The following CPEB4 variants were observed in gnomAD, a reference collection of about 807,000 sequenced individuals.
CPEB4 encodes cytoplasmic polyadenylation element-binding protein 4.
CPEB4 carries 12 observed loss-of-function variants against 72.5 expected under a neutral mutation model. That is an observed-to-expected ratio of 0.17 (90% CI 0.11 to 0.27). The LOEUF is 0.27. CPEB4 is among the 10% of genes least tolerant of loss of function. The pLI, the probability that CPEB4 is intolerant of heterozygous loss-of-function variation, is 1.00. For missense variants in CPEB4, 614 were observed against 908.5 expected, an observed-to-expected ratio of 0.68 and a Z score of 4.17; for synonymous variants, 302 against 326.3, an observed-to-expected ratio of 0.93 and a Z score of 0.80.
At chr5:173,928,847 G>A (rs1757340648) in intron 2 of CPEB4, among the ~76,000 whole-genome samples, 1 of 152,208 alleles carries the variant, frequency 6.6e-6, no homozygotes. Flanking sequence ...TAGTTGTGGA[G>A]AGAATTTACG....
intron 1 of CPEB4, among the ~76,000 whole-genome samples, chr5:173,903,740 T>C (rs1212732758): frequency 2.0e-5 from 3 of 152,198 alleles, no homozygotes; most frequent in Non-Finnish European, 4.4e-5. Flanking sequence ...ACGTGCTGCT[T>C]GTGGCAGCTT....
intron 1 of CPEB4, among the ~76,000 whole-genome samples, chr5:173,903,021 A>C (rs1225559488): frequency 6.6e-6 from 1 of 151,500 alleles, no homozygotes; most frequent in Non-Finnish European, 1.5e-5. Context: ...ACATGTCAGT[A>C]GTAAATACCT....
Position 173,960,143 on chromosome 5 carries a change from C to T in CPEB4, c.*4006C>T, listed in dbSNP as rs1355920890. 6.6e-6 allele frequency: 1 copy of T among 152,530 alleles called. No individual in the cohort carries two copies. Among genetic ancestry groups the T allele is most frequent in the Non-Finnish European group, 1.5e-5 (1 of 68,000 alleles). 9.4% of individuals were successfully genotyped at this position (152,530 alleles called of 1,614,324 possible). ...AGTTCCTATTTTTGTATGTTCTACT[C>T]TTAAGTTATATAACACAGTTCCTTT... On this transcript the variant is annotated 3_prime_UTR_variant, in exon 10 of 10. Transcript: ENST00000265085.
At chr5:173,918,917 T>A (rs546202812) in intron 2 of CPEB4, among the ~76,000 whole-genome samples, 192 of 152,296 alleles carry the variant, frequency 1.3e-3, no homozygotes, top group Non-Finnish European at 2.1e-3. Flanking sequence ...GAAAATCGGT[T>A]ATCGTTTTAT....
chr5:173,889,464 C>A lies in CPEB4; in HGVS notation c.-270C>A. The A allele has an allele frequency of 3.1e-6, 1 of 322,540 alleles. No individual in the cohort carries two copies. 20.0% of individuals were successfully genotyped at this position (322,540 alleles called of 1,614,324 possible). A position where few individuals can be genotyped will look rare whatever the true frequency, so the allele number is the denominator to read the frequency against. On this transcript the variant is annotated 5_prime_UTR_variant, in exon 1 of 10. Coordinates refer to ENST00000265085, the MANE Select transcript of CPEB4 (RefSeq NM_030627.4). ...TACTAACCAAAGACTTGATTTTTAC[C>A]CTCTTCATTTTTATTCCCTCCTAAA...
intron 2 of CPEB4, among the ~76,000 whole-genome samples, chr5:173,923,746 T>C (rs560265985): frequency 6.6e-6 from 1 of 152,252 alleles, no homozygotes; most frequent in Non-Finnish European, 1.5e-5. Context: ...GGACAAAAAC[T>C]ACACCTAGTT....
At chr5:173,927,395 G>T (rs1757283600) in intron 2 of CPEB4, among the ~76,000 whole-genome samples, 1 of 152,204 alleles carries the variant, frequency 6.6e-6, no homozygotes, top group Admixed American at 6.5e-5. Context: ...TGTAAAAGAG[G>T]TAAGAAGGTT....
intron 8 of CPEB4, among the ~76,000 whole-genome samples, chr5:173,952,528 G>A (rs1196255836): frequency 6.6e-6 from 1 of 152,168 alleles, no homozygotes; most frequent in Admixed American, 6.5e-5. Context: ...GAACAGGAAT[G>A]TAGCTGCACG....
At chr5:173,910,626 AT>A in intron 2 of CPEB4, 22 bp downstream of exon 2, 1 of 1,414,152 alleles carries the variant, frequency 7.1e-7, no homozygotes, top group Non-Finnish European at 1.0e-6. Flanking sequence ...AATATACCCA[AT>A]TGATTTCAGA....
intron 3 of CPEB4, among the ~76,000 whole-genome samples, chr5:173,939,014 G>T (rs183980415): frequency 2.0e-5 from 3 of 152,126 alleles, no homozygotes; most frequent in African/African-American, 4.8e-5. Context: ...ATGGCCAGGC[G>T]CAATGGCTCA....
Position 173,940,484 on chromosome 5 carries a change from T to C in CPEB4, c.1259-2542T>C, listed in dbSNP as rs186841601. On this transcript the variant is annotated intron_variant, in intron 3 of 9. Transcript: ENST00000265085. ...TGCAAGAATTTCATCATAAAGTGTG[T>C]GCCAATATAATTTGAAATAAGTGAG... 1.7e-3 allele frequency among the ~76,000 whole-genome samples: 263 copies of C among 152,362 alleles called. 1 individual carries two copies. Among genetic ancestry groups the C allele is most frequent in the Non-Finnish European group, 3.2e-3 (216 of 68,032 alleles).
At chr5:173,918,948 G>A (rs925471343) in intron 2 of CPEB4, among the ~76,000 whole-genome samples, 1 of 152,128 alleles carries the variant, frequency 6.6e-6, no homozygotes, top group African/African-American at 2.4e-5. Flanking sequence ...CTGAGTGAGA[G>A]GTGAGGGTAA....
At chr5:173,898,111 A>G (rs1314163077) in intron 1 of CPEB4, among the ~76,000 whole-genome samples, 1 of 152,184 alleles carries the variant, frequency 6.6e-6, no homozygotes, top group East Asian at 1.9e-4. Flanking sequence ...GATTTATCAG[A>G]TATATTCTAA....
rs781769446 is a variant in CPEB4, at chr5:173,890,366, C to G, written c.633C>G (p.Pro211=). The change falls in exon 1 of 10, where the codon CCC becomes CCG. Residue 211 remains proline (P), a synonymous_variant. Transcript: ENST00000265085. ...GTGCTCTGTTGTTTCAAAATTTCCCCCATCATGTCAGCCCTGGCTTTGGAG... is the reference window on the plus strand; with the variant it reads ...GTGCTCTGTTGTTTCAAAATTTCCCGCATCATGTCAGCCCTGGCTTTGGAG... ...NNGALLFQNF[P]HHVSPGFGGS... is the part of the protein sequence containing the mutation. 3.1e-6 allele frequency: 5 copies of G among 1,614,142 alleles called. No individual in the cohort carries two copies. The highest frequency in any genetic ancestry group is 4.2e-6 in the Non-Finnish European group (5 of 1,180,020).
chr5:173,937,245 G>A (rs1757661757), intron 3 of CPEB4, among the ~76,000 whole-genome samples: 1 of 152,076 alleles, frequency 6.6e-6, no homozygotes, highest in African/African-American at 2.4e-5. Context: ...GTTTTACAAT[G>A]TTGGCCAGGC....
At chr5:173,919,383 T>G (rs890350924) in intron 2 of CPEB4, among the ~76,000 whole-genome samples, 3 of 152,204 alleles carry the variant, frequency 2.0e-5, no homozygotes, top group Non-Finnish European at 2.9e-5. Flanking sequence ...ATGATAAATA[T>G]TAGGGACCTT....
Position 173,957,334 on chromosome 5 carries a change from G to A in CPEB4, c.*1197G>A, listed in dbSNP as rs1240229960. 6.5e-6 allele frequency: 1 copy of A among 152,762 alleles called. No homozygotes were observed. Among genetic ancestry groups the A allele is most frequent in the East Asian group, 1.9e-4 (1 of 5,338 alleles). The allele number at this position is 152,762 out of a possible 1,614,324, so 9.5% of individuals were successfully genotyped here. On this transcript the variant is annotated 3_prime_UTR_variant, in exon 10 of 10. Coordinates refer to ENST00000265085, the MANE Select transcript of CPEB4 (RefSeq NM_030627.4). The stretch of plus-strand genomic sequence containing the variant: ...TGAAAAAACAGTTAAAAAAAGTGAA[G>A]TAGTTGCAAAGTGTTTTGCACTGTT...
At position 173,949,493 on chromosome 5, in the gene CPEB4, T is replaced by G. The variant is rs1230465682; in HGVS notation, c.1457-15T>G. The G allele has an allele frequency of 1.9e-6, 3 of 1,570,784 alleles. No individual in the cohort carries two copies. ...AAAATATTTAAATCTACTGTTTTCC[T>G]TTGTTGTTTATTAGATGAGATCACA... On this transcript the variant is annotated splice_polypyrimidine_tract_variant and intron_variant, in intron 5 of 9. Transcript: ENST00000265085.
At chr5:173,918,426 G>A (rs577484316) in intron 2 of CPEB4, among the ~76,000 whole-genome samples, 1 of 152,218 alleles carries the variant, frequency 6.6e-6, no homozygotes, top group South Asian at 2.1e-4. Flanking sequence ...ACAAAGGTGT[G>A]GATTTTGAGC....
Sources: allele counts gnomAD v4.1 joint callset (sites outside exome capture counted in the v4.1 genomes callset), GRCh38; gene constraint gnomAD v4.1.1; transcripts MANE v1.5; gene names NCBI Gene and HGNC (gene_info 2026-07-23, HGNC 2026-07-21).